MCF2L: variants seen among roughly 807,000 people sequenced by gnomAD.
The protein encoded by MCF2L is guanine nucleotide exchange factor DBS.
Under a neutral mutation model 153.4 loss-of-function variants are expected in MCF2L, and 97 were observed. The observed-to-expected ratio is 0.63, with a 90% CI of 0.54 to 0.75. The LOEUF (loss-of-function observed/expected upper bound fraction) is 0.75. Ranked by LOEUF, MCF2L falls within the 30% of genes least tolerant of loss-of-function variation. The pLI is 0.00. For synonymous variants in MCF2L, 659 were observed against 632.2 expected (o/e 1.04, Z -0.64); for missense variants, 1,347 against 1,495.2 (o/e 0.90, Z 1.64).
Position 113,088,617 on chromosome 13 carries a change from G to T in MCF2L, c.2823G>T (p.Pro941=). The T allele has an allele frequency of 6.2e-7, 1 of 1,607,434 alleles. No individual in the cohort carries two copies. The highest frequency in any genetic ancestry group is 1.1e-5 in the South Asian group (1 of 90,926). ...EQSQSLPLPA[P]TSTSPSRGNS... is the part of the protein sequence containing the mutation. ...CACAGAGCCTGCCCCTGCCGGCCCCGACCAGCACCAGGTGAGAATGGACAC... is the reference window on the plus strand; with the variant it reads ...CACAGAGCCTGCCCCTGCCGGCCCCTACCAGCACCAGGTGAGAATGGACAC... The change falls in exon 25 of 30, where the codon CCG becomes CCT. Residue 941 remains proline, a synonymous_variant. Coordinates refer to ENST00000535094, the MANE Select transcript of MCF2L (RefSeq NM_001112732.3).
intron 1 of MCF2L, among the ~76,000 whole-genome samples, chr13:112,898,134 G>A (rs900795215): frequency 1.3e-5 from 2 of 152,208 alleles, no homozygotes; most frequent in South Asian, 2.1e-4. Flanking sequence ...ACACGGTGTC[G>A]TGAGTGGAAG....
chr13:112,896,466 G>GCCCA (rs2081069375), intron 1 of MCF2L, among the ~76,000 whole-genome samples: 1 of 139,194 alleles, frequency 7.2e-6, no homozygotes, highest in African/African-American at 3.4e-5. Flanking sequence ...GGCCCCCCCT[G>GCCCA]TCTTTACAGC....
At chr13:112,928,091 A>G (rs1195066331) in intron 2 of MCF2L, among the ~76,000 whole-genome samples, 1 of 152,248 alleles carries the variant, frequency 6.6e-6, no homozygotes, top group African/African-American at 2.4e-5. Flanking sequence ...GTTTATGTGT[A>G]TAAAAAGTCA....
At chr13:113,025,809 T>A (rs1364425018) in intron 3 of MCF2L, among the ~76,000 whole-genome samples, 1 of 147,728 alleles carries the variant, frequency 6.8e-6, no homozygotes. Context: ...GGGGTCCCCG[T>A]GACTGTGGGT....
At chr13:113,014,898 T>C in intron 2 of MCF2L, 52 bp downstream of exon 2, 2 of 1,562,454 alleles carry the variant, frequency 1.3e-6, no homozygotes, top group South Asian at 1.1e-5. Flanking sequence ...TGGGGCCGGG[T>C]GTGGGCCGAG....
At chr13:112,985,538 C>T (rs111945574) in intron 1 of MCF2L, 93 of 458,752 alleles carry the variant, frequency 2.0e-4, no homozygotes, top group African/African-American at 1.7e-3. Flanking sequence ...GCAGTCGAGG[C>T]GGCCTCTGGG....
intron 3 of MCF2L, among the ~76,000 whole-genome samples, chr13:113,033,378 C>T (rs112103696): frequency 5.3e-5 from 5 of 94,084 alleles, no homozygotes; most frequent in Admixed American, 1.1e-4. Flanking sequence ...GCCCCCGTGA[C>T]GTGAGTGGCC....
At position 113,065,024 on chromosome 13, in the gene MCF2L, A is replaced by G. The variant is rs1038007669; in HGVS notation, c.695A>G (p.Asn232Ser). Residue 232 changes from asparagine (N) to serine (S), a missense_variant, in exon 7 of 30, where the codon AAT becomes AGT. Physicochemically the swap from Asn to Ser is conservative, Grantham distance 46. Transcript: ENST00000535094. ...GTELAETELP[N>S]DVQSTSSVLC... ...GAGCTGGCTGAAACAGAGCTGCCCA[A>G]TGACGTCCAGTCGACAAGCTCAGTG... The G allele has an allele frequency of 2.5e-6, 4 of 1,612,310 alleles. No individual in the cohort carries two copies. The highest frequency in any genetic ancestry group is 1.7e-5 in the Admixed American group (1 of 59,972).
chr13:112,979,796 GCT>G (rs751306100), intron 1 of MCF2L: 20 of 1,575,754 alleles, frequency 1.3e-5, no homozygotes, highest in Non-Finnish European at 1.7e-5. Context: ...GGGGGCAGGT[GCT>G]GTGTCCCCTC....
chr13:113,018,516 G>T (rs1400218318), intron 2 of MCF2L, among the ~76,000 whole-genome samples: 1 of 152,308 alleles, frequency 6.6e-6, no homozygotes, highest in East Asian at 1.9e-4. Context: ...TCTTACTGAA[G>T]GCTGAGGGTT....
intron 1 of MCF2L, among the ~76,000 whole-genome samples, chr13:112,996,560 A>G (rs1459880916): frequency 1.3e-5 from 2 of 152,182 alleles, no homozygotes; most frequent in East Asian, 1.9e-4. Flanking sequence ...ATGGTGTTCC[A>G]GAGTGTGCAG....
At chr13:113,096,528 C>G in intron 28 of MCF2L, 22 bp from the exon 29 acceptor site, 1 of 1,589,500 alleles carries the variant, frequency 6.3e-7, no homozygotes, top group Non-Finnish European at 8.5e-7. Flanking sequence ...ACGTGGCTGC[C>G]GCTGACCCTC....
chr13:113,032,068 C>T (rs537347524), intron 3 of MCF2L, among the ~76,000 whole-genome samples: 4 of 152,244 alleles, frequency 2.6e-5, no homozygotes, highest in African/African-American at 7.2e-5. Flanking sequence ...GCATGTGGGA[C>T]GCAACAGAAA....
intron 16 of MCF2L, 65 bp downstream of exon 16, chr13:113,081,344 C>T: frequency 1.4e-6 from 2 of 1,446,772 alleles, no homozygotes; most frequent in Middle Eastern, 2.0e-4. Flanking sequence ...GGTGGGGCTT[C>T]CTCTGACAAC....
chr13:112,964,771 G>T (rs554629838), upstream of MCF2L: 1 of 152,318 alleles, frequency 6.6e-6, no homozygotes, highest in Non-Finnish European at 1.5e-5. Flanking sequence ...TTGTTACAAA[G>T]AATAGACATT....
At chr13:112,995,927 G>A (rs968639850) in intron 1 of MCF2L, among the ~76,000 whole-genome samples, 1 of 152,146 alleles carries the variant, frequency 6.6e-6, no homozygotes, top group African/African-American at 2.4e-5. Context: ...GAGTGATGCC[G>A]GGTGCAGCCT....
chr13:113,075,317 C>T (rs1332070955), intron 11 of MCF2L, 128 bp downstream of exon 11: 9 of 764,156 alleles, frequency 1.2e-5, no homozygotes, highest in Non-Finnish European at 1.4e-5. Flanking sequence ...TCCTTGCACC[C>T]TTCGTTTCTG....
intron 15 of MCF2L, among the ~76,000 whole-genome samples, chr13:113,080,724 G>A (rs1434752426): frequency 6.6e-6 from 1 of 152,206 alleles, no homozygotes; most frequent in Non-Finnish European, 1.5e-5. Flanking sequence ...CTCCGGCGAT[G>A]CCAGACCCCC....
intron 26 of MCF2L, chr13:113,090,560 A>C: frequency 1.0e-6 from 1 of 985,150 alleles, no homozygotes; most frequent in Non-Finnish European, 1.2e-6. Flanking sequence ...TGGGGCATCC[A>C]CTAGTGAACA....
Sources: allele counts gnomAD v4.1 joint callset (sites outside exome capture counted in the v4.1 genomes callset), GRCh38; gene constraint gnomAD v4.1.1; transcripts MANE v1.5; gene names NCBI Gene and HGNC (gene_info 2026-07-23, HGNC 2026-07-21).